The following TAF4B variants were observed in gnomAD, a reference collection of about 807,000 sequenced individuals.
TAF4B encodes the protein transcription initiation factor TFIID subunit 4B.
A neutral mutation model predicts 86.4 loss-of-function variants in TAF4B; 38 were observed. That is an observed-to-expected ratio of 0.44 (90% CI 0.34 to 0.58). The LOEUF is 0.58. Among genes scored for constraint, TAF4B ranks in the 20% least tolerant of loss-of-function variants. The pLI, the probability that TAF4B is intolerant of heterozygous loss-of-function variation, is 0.02. For missense variants in TAF4B, 988 were observed against 1,027.6 expected, an observed-to-expected ratio of 0.96 and a Z score of 0.53; for synonymous variants, 388 against 391.2, an observed-to-expected ratio of 0.99 and a Z score of 0.10.
In TAF4B at chr18:26,286,101, C is replaced by G. The variant is rs761992800; in HGVS notation, c.1192C>G (p.Pro398Ala). 3 of 1,614,194 alleles carry G rather than the reference C, an allele frequency of 1.9e-6. No homozygotes were observed. In the South Asian group the frequency reaches 3.3e-5, roughly 18 times the overall value. ...PRTVSVQTLN[P>A]LAGPVGAKAG... Reference sequence around the variant, plus strand: ...AACTGTGTCAGTGCAAACTTTGAACCCACTTGCTGGTCCAGTGGGAGCAAA... The same window carrying G: ...AACTGTGTCAGTGCAAACTTTGAACGCACTTGCTGGTCCAGTGGGAGCAAA... Residue 398 changes from proline to alanine, a missense_variant, in exon 7 of 15, where the codon CCA (proline) becomes GCA (alanine). Transcript: ENST00000269142.
At chr18:26,371,355 A>T (rs1232425068) in intron 14 of TAF4B, among the ~76,000 whole-genome samples, 1 of 152,086 alleles carries the variant, frequency 6.6e-6, no homozygotes, top group African/African-American at 2.4e-5. Flanking sequence ...CTGTGCCCCT[A>T]ATTCTTACCA....
intron 5 of TAF4B, among the ~76,000 whole-genome samples, chr18:26,275,806 A>T (rs1051122774): frequency 6.6e-6 from 1 of 152,046 alleles, no homozygotes; most frequent in African/African-American, 2.4e-5. Context: ...ACCTGAGGTC[A>T]AGAGTTTGAG....
intron 1 of TAF4B, among the ~76,000 whole-genome samples, chr18:26,242,681 G>A (rs141723856): frequency 5.3e-5 from 8 of 152,286 alleles, no homozygotes; most frequent in South Asian, 2.1e-4. Flanking sequence ...TCCTAGCATC[G>A]ATGGTCTTTA....
intron 1 of TAF4B, among the ~76,000 whole-genome samples, chr18:26,246,532 T>A (rs1026688239): frequency 7.2e-4 from 101 of 139,688 alleles, no homozygotes; most frequent in African/African-American, 2.3e-3. Flanking sequence ...AATCTCATTG[T>A]TTTTGTGGTT....
chr18:26,242,876 T>C (rs1225175814), intron 1 of TAF4B, among the ~76,000 whole-genome samples: 1 of 149,856 alleles, frequency 6.7e-6, no homozygotes, highest in Non-Finnish European at 1.5e-5. Context: ...AATTCTGACT[T>C]GAAAATTCTT....
chr18:26,255,973 G>A (rs2056078145), intron 1 of TAF4B: 6 of 1,314,410 alleles, frequency 4.6e-6, no homozygotes, highest in Non-Finnish European at 6.6e-6. Context: ...TGAGCTGGGA[G>A]GCACTGGAGG....
At position 26,227,083 on chromosome 18, in the gene TAF4B, C is replaced by T; in HGVS notation, c.150C>T (p.Val50=). ...VALGAVTKAP[V]SVCVEPTASQ... ...TGGGCGCCGTGACTAAGGCTCCTGT[C>T]AGCGTCTGCGTGGAGCCCACGGCGT... The change falls in exon 1 of 15, where the codon GTC becomes GTT. Residue 50 remains valine (V), a synonymous_variant. Transcript: ENST00000269142. 6.2e-7 allele frequency: 1 copy of T among 1,607,906 alleles called. No homozygotes were observed. Among genetic ancestry groups the T allele is most frequent in the Non-Finnish European group, 8.5e-7 (1 of 1,178,194 alleles).
At chr18:26,349,243 A>C (rs2057224703) in intron 13 of TAF4B, among the ~76,000 whole-genome samples, 4 of 152,160 alleles carry the variant, frequency 2.6e-5, no homozygotes, top group Admixed American at 2.6e-4. Flanking sequence ...GTTTTTCAAC[A>C]GTTTTTCCTC....
At chr18:26,255,282 AAGTT>A (rs2056065240) in intron 1 of TAF4B, among the ~76,000 whole-genome samples, 1 of 151,100 alleles carries the variant, frequency 6.6e-6, no homozygotes, top group Non-Finnish European at 1.5e-5. Flanking sequence ...TTTTTTTAGT[AAGTT>A]AGACACTGGC....
Position 26,227,104 on chromosome 18 carries a change from G to C in TAF4B, c.171G>C (p.Thr57=). The C allele has an allele frequency of 6.2e-7, 1 of 1,612,138 alleles. No homozygotes were observed. Among genetic ancestry groups the C allele is most frequent in the Non-Finnish European group, 8.5e-7 (1 of 1,179,324 alleles). Residue 57 remains threonine, a synonymous_variant, in exon 1 of 15, where the codon ACG becomes ACC. Transcript: ENST00000269142. ...KAPVSVCVEP[T]ASQPLRSPVG... ...CTGTCAGCGTCTGCGTGGAGCCCAC[G>C]GCGTCCCAGCCCCTGCGGTCCCCCG... is the stretch of plus-strand genomic sequence containing the variant.
chr18:26,342,623 GTTATAC>G (rs911639637), intron 13 of TAF4B, among the ~76,000 whole-genome samples: 98 of 152,108 alleles, frequency 6.4e-4, no homozygotes, highest in African/African-American at 2.3e-3. Flanking sequence ...ACTACCATGA[GTTATAC>G]TTATAAATGA....
In TAF4B at chr18:26,255,945, T is replaced by C. The variant is rs1598730389; in HGVS notation, c.344-9225T>C. The C allele has an allele frequency of 6.9e-6, 9 of 1,307,926 alleles. No homozygotes were observed. The East Asian group carries it at 2.1e-4, about 30-fold the overall frequency. The allele number at this position is 1,307,926 out of a possible 1,614,324, so 81.0% of individuals were successfully genotyped here. ...TGTATCTGAGCCGTCATCTGACTGGTTACTGTAACAAGGAGATTGAGCTGG... is the reference window on the plus strand; with the variant it reads ...TGTATCTGAGCCGTCATCTGACTGGCTACTGTAACAAGGAGATTGAGCTGG... On this transcript the variant is annotated intron_variant, in intron 1 of 14. Coordinates refer to ENST00000269142, the MANE Select transcript of TAF4B (RefSeq NM_005640.3).
intron 9 of TAF4B, among the ~76,000 whole-genome samples, chr18:26,294,198 G>A (rs2056632943): frequency 6.6e-6 from 1 of 152,034 alleles, no homozygotes; most frequent in Non-Finnish European, 1.5e-5. Context: ...CTACCAAATT[G>A]TTTATCAAAA....
At chr18:26,256,414 C>T in intron 1 of TAF4B, 1 of 1,000,052 alleles carries the variant, frequency 1.0e-6, no homozygotes, top group South Asian at 1.3e-5. Flanking sequence ...AATAACGTCC[C>T]CGAGGTGCAG....
chr18:26,271,097 G>A lies in TAF4B; in HGVS notation c.597+3474G>A, dbSNP rs539123801. Among the ~76,000 whole-genome samples the A allele has an allele frequency of 2.6e-5, 4 of 152,312 alleles. No individual in the cohort carries two copies. In the South Asian group the frequency reaches 6.2e-4, roughly 24 times the overall value. Reference sequence around the variant, plus strand: ...GATATCTGTCCACTTTAAGGGATAAGCATCTCAGTTTTAGGCATGGAAATA... The same window carrying A: ...GATATCTGTCCACTTTAAGGGATAAACATCTCAGTTTTAGGCATGGAAATA... On this transcript the variant is annotated intron_variant, in intron 3 of 14. Transcript: ENST00000269142.
chr18:26,346,801 G>GTA (rs368950266), intron 13 of TAF4B, among the ~76,000 whole-genome samples: 11 of 18,230 alleles, frequency 6.0e-4, no homozygotes, highest in Admixed American at 1.3e-3. Context: ...ATATATATGT[G>GTA]TATATATATA....
intron 2 of TAF4B, among the ~76,000 whole-genome samples, chr18:26,265,758 T>G (rs973629772): frequency 6.6e-6 from 1 of 152,162 alleles, no homozygotes; most frequent in Non-Finnish European, 1.5e-5. Context: ...AGCATGTCGC[T>G]TTGTTGCTCA....
intron 11 of TAF4B, among the ~76,000 whole-genome samples, chr18:26,325,473 A>C (rs569255193): frequency 4.6e-5 from 7 of 152,318 alleles, no homozygotes; most frequent in African/African-American, 1.4e-4. Context: ...TTATAGACTT[A>C]ATATGAATAG....
At chr18:26,363,259 A>C (rs951758981) in intron 14 of TAF4B, among the ~76,000 whole-genome samples, 8 of 148,940 alleles carry the variant, frequency 5.4e-5, no homozygotes, top group African/African-American at 1.5e-4. Flanking sequence ...TTTTAACTTT[A>C]AAGGCATTTT....
Sources: allele counts gnomAD v4.1 joint callset (sites outside exome capture counted in the v4.1 genomes callset), GRCh38; gene constraint gnomAD v4.1.1; transcripts MANE v1.5; gene names NCBI Gene and HGNC (gene_info 2026-07-23, HGNC 2026-07-21).